The following SAMD5 variants were observed in gnomAD, a reference collection of about 807,000 sequenced individuals.
SAMD5 encodes sterile alpha motif domain-containing protein 5.
SAMD5 carries 13 observed loss-of-function variants against 11.3 expected under a neutral mutation model. That is an observed-to-expected ratio of 1.15 (90% confidence interval 0.75 to 1.83). The LOEUF (loss-of-function observed/expected upper bound fraction) is 1.83, where lower values mean the gene tolerates loss of function less well. Among genes scored for constraint, SAMD5 ranks in the 40% most tolerant of loss-of-function variants. The pLI, the probability that SAMD5 is intolerant of heterozygous loss-of-function variation, is 0.00. For synonymous variants in SAMD5, 129 were observed against 111.3 expected (o/e 1.16, Z -1.00); for missense variants, 255 against 239.1 (o/e 1.07, Z -0.44).
the SAMD5 span, among the ~76,000 whole-genome samples, chr6:147,811,822 A>G: frequency 6.6e-6 from 1 of 152,228 alleles, no homozygotes; most frequent in Non-Finnish European, 1.5e-5. Context: ...AGGGTGGCTG[A>G]TGAGTTCACT....
rs147287909 is a variant in SAMD5, at chr6:147,648,775, C to G, written c.163-88542C>G. Among the ~76,000 whole-genome samples, 672 of 152,288 alleles carry G rather than the reference C, an allele frequency of 4.4e-3. 5 individuals are homozygous for G. The highest frequency in any genetic ancestry group is 0.016 in the African/African-American group (650 of 41,556). ...CATAAAGAAAGTAATTGGTCCAAAA[C>G]TTTATTTGGAATTGTAGTTCAATCA... On this transcript the variant is annotated intron_variant, in intron 1 of 1. Transcript: ENST00000566741.
intron 1 of SAMD5, among the ~76,000 whole-genome samples, chr6:147,692,705 C>T (rs1435263711): frequency 2.0e-5 from 3 of 152,190 alleles, no homozygotes; most frequent in African/African-American, 4.8e-5. Flanking sequence ...CTCTACAATG[C>T]AATCAGTCAA....
chr6:147,769,371 G>A, the SAMD5 span, among the ~76,000 whole-genome samples: 13 of 151,708 alleles, frequency 8.6e-5, no homozygotes, highest in African/African-American at 3.1e-4. Context: ...TTCTTTTTGT[G>A]TATACACCTT....
the SAMD5 span, among the ~76,000 whole-genome samples, chr6:147,821,107 A>G: frequency 6.6e-6 from 1 of 152,238 alleles, no homozygotes; most frequent in Non-Finnish European, 1.5e-5. Context: ...TAAAGAACGA[A>G]TGAATAACAA....
chr6:147,772,377 TA>T, the SAMD5 span, among the ~76,000 whole-genome samples: 7 of 152,130 alleles, frequency 4.6e-5, no homozygotes, highest in African/African-American at 1.7e-4. Context: ...TGAAGCATTT[TA>T]AAATATTTCA....
intron 1 of SAMD5, among the ~76,000 whole-genome samples, chr6:147,593,495 AT>A (rs1562328748): frequency 6.6e-6 from 1 of 152,184 alleles, no homozygotes; most frequent in Non-Finnish European, 1.5e-5. Context: ...TGGTCAATAA[AT>A]TTGGTATATT....
At chr6:147,690,939 G>T (rs1315014285) in intron 1 of SAMD5, among the ~76,000 whole-genome samples, 1 of 146,766 alleles carries the variant, frequency 6.8e-6, no homozygotes, top group Non-Finnish European at 1.5e-5. Flanking sequence ...ATCTCCAGAT[G>T]GTGCCTTTGT....
chr6:147,709,225 G>A (rs1014893701), intron 1 of SAMD5, among the ~76,000 whole-genome samples: 3 of 152,098 alleles, frequency 2.0e-5, no homozygotes, highest in Non-Finnish European at 4.4e-5. Flanking sequence ...ATAATTTTGA[G>A]TAATTTCTTA....
At chr6:147,915,416 A>G in the SAMD5 span, among the ~76,000 whole-genome samples, 3 of 152,224 alleles carry the variant, frequency 2.0e-5, no homozygotes, top group African/African-American at 4.8e-5. Flanking sequence ...AAAATATTTA[A>G]AACATTTTTT....
At chr6:147,712,165 C>T (rs932302773) in intron 1 of SAMD5, among the ~76,000 whole-genome samples, 6 of 152,028 alleles carry the variant, frequency 3.9e-5, no homozygotes, top group Non-Finnish European at 5.9e-5. Context: ...TTTATATTTT[C>T]TAAGTGTACT....
chr6:147,511,996 C>A (rs564475777), intron 1 of SAMD5, among the ~76,000 whole-genome samples: 2 of 152,270 alleles, frequency 1.3e-5, no homozygotes, highest in African/African-American at 4.8e-5. Context: ...CATTCTGTTG[C>A]CCAGGCTGGA....
chr6:147,875,163 A>T, the SAMD5 span, among the ~76,000 whole-genome samples: 3 of 152,182 alleles, frequency 2.0e-5, no homozygotes, highest in African/African-American at 7.2e-5. Flanking sequence ...AAATTTTAAC[A>T]CTAATTCTAT....
chr6:147,707,381 C>T (rs1490298890), intron 1 of SAMD5, among the ~76,000 whole-genome samples: 1 of 152,090 alleles, frequency 6.6e-6, no homozygotes, highest in East Asian at 1.9e-4. Flanking sequence ...TAATATGTTG[C>T]TGACAGTGAA....
the SAMD5 span, among the ~76,000 whole-genome samples, chr6:147,752,924 T>G: frequency 6.6e-6 from 1 of 152,242 alleles, no homozygotes; most frequent in South Asian, 2.1e-4. Context: ...AGCTACTTAC[T>G]GTATACTTAA....
chr6:147,908,386 T>A, the SAMD5 span, among the ~76,000 whole-genome samples: 1 of 152,186 alleles, frequency 6.6e-6, no homozygotes, highest in Non-Finnish European at 1.5e-5. Flanking sequence ...TCATGCTACA[T>A]GAAATGCTGC....
chr6:147,622,561 G>C lies in SAMD5; in HGVS notation c.162+113174G>C, dbSNP rs185415896. ...ATCTTCTAGAAGCCAAGTGTAGGAA[G>C]CTGGGGCTCAGGAAGGGATAGAGTC... On this transcript the variant is annotated intron_variant, in intron 1 of 1. Coordinates refer to the SAMD5 transcript ENST00000566741. Among the ~76,000 whole-genome samples the C allele has an allele frequency of 1.8e-4, 28 of 152,248 alleles. 1 individual carries two copies. The East Asian group carries it at 5.2e-3, about 28-fold the overall frequency.
At chr6:147,765,676 C>T in the SAMD5 span, among the ~76,000 whole-genome samples, 3 of 152,126 alleles carry the variant, frequency 2.0e-5, no homozygotes, top group Non-Finnish European at 2.9e-5. Context: ...TACCTAGGGA[C>T]GTCGGAACTG....
At chr6:147,875,740 C>A in the SAMD5 span, among the ~76,000 whole-genome samples, 3 of 152,014 alleles carry the variant, frequency 2.0e-5, no homozygotes, top group Admixed American at 2.0e-4. Context: ...TTGTGAACTG[C>A]GCAGGAGAGG....
At chr6:147,912,433 A>C in the SAMD5 span, among the ~76,000 whole-genome samples, 9 of 152,266 alleles carry the variant, frequency 5.9e-5, no homozygotes, top group East Asian at 1.7e-3. Flanking sequence ...GTCTGCTTTG[A>C]GCCAAAGCCA....
Sources: allele counts gnomAD v4.1 joint callset (sites outside exome capture counted in the v4.1 genomes callset), GRCh38; gene constraint gnomAD v4.1.1; transcripts MANE v1.5; gene names NCBI Gene and HGNC (gene_info 2026-07-23, HGNC 2026-07-21).